The following MAPKAP1 variants were observed in gnomAD, a reference collection of about 807,000 sequenced individuals.
The protein encoded by MAPKAP1 is MAPK associated protein 1, also known as target of rapamycin complex 2 subunit MAPKAP1.
Under a neutral mutation model 65.7 loss-of-function variants are expected in MAPKAP1, and 20 were observed. The observed-to-expected ratio is 0.30, with a 90% CI of 0.21 to 0.44. The LOEUF (loss-of-function observed/expected upper bound fraction) is 0.44, where lower values mean the gene tolerates loss of function less well. Among genes scored for constraint, MAPKAP1 ranks in the 20% least tolerant of loss-of-function variants. The probability of loss-of-function intolerance (pLI) is 1.00; values close to 1 mark genes in which losing one functional copy is unlikely to be tolerated. For missense variants in MAPKAP1, 423 were observed against 648.0 expected (o/e 0.65, Z 3.77); for synonymous variants, 222 against 244.3 (o/e 0.91, Z 0.85).
At chr9:125,667,360 C>T (rs190453997) in intron 3 of MAPKAP1, among the ~76,000 whole-genome samples, 2 of 152,290 alleles carry the variant, frequency 1.3e-5, no homozygotes, top group East Asian at 3.9e-4. Context: ...CGCTCTGTTG[C>T]CCAGACTGAA....
rs1831762967 is a variant in MAPKAP1 at position 125,585,722 on chromosome 9, A to G, written c.504T>C (p.His168=). The G allele has an allele frequency of 1.2e-6, 2 of 1,614,116 alleles. No homozygotes were observed. The highest frequency in any genetic ancestry group is 8.5e-7 in the Non-Finnish European group (1 of 1,180,006). ...TCTTCTTGGTTGCTGTTGTACCTAC[A>G]TGACCCTGTGGACAGAACAAACACG... The part of the protein sequence containing the change: ...NEYSKFDGKG[H]VGTTATKKID... Residue 168 remains histidine, a synonymous_variant, in exon 5 of 12, where the codon CAT becomes CAC. Transcript: ENST00000265960.
At chr9:125,507,925 C>T (rs1829191372) in intron 7 of MAPKAP1, among the ~76,000 whole-genome samples, 1 of 152,056 alleles carries the variant, frequency 6.6e-6, no homozygotes, top group African/African-American at 2.4e-5. Context: ...GCGATTCTCC[C>T]AAATCCCAGC....
chr9:125,491,199 T>A (rs1190585416), intron 8 of MAPKAP1, among the ~76,000 whole-genome samples: 1 of 150,786 alleles, frequency 6.6e-6, no homozygotes, highest in African/African-American at 2.4e-5. Context: ...ATTCCAGCAC[T>A]TTGGGAGGCT....
At chr9:125,692,187 CAT>C (rs1835190813) in intron 1 of MAPKAP1, among the ~76,000 whole-genome samples, 1 of 152,190 alleles carries the variant, frequency 6.6e-6, no homozygotes, top group Non-Finnish European at 1.5e-5. Flanking sequence ...GAACTAAAAA[CAT>C]ATGTTCACAC....
At chr9:125,677,685 T>C (rs1448057833) in intron 1 of MAPKAP1, among the ~76,000 whole-genome samples, 1 of 152,020 alleles carries the variant, frequency 6.6e-6, no homozygotes, top group Non-Finnish European at 1.5e-5. Context: ...GAGAGCAAGA[T>C]TCTGTCTCAA....
intron 6 of MAPKAP1, among the ~76,000 whole-genome samples, chr9:125,551,010 C>T (rs1220553281): frequency 1.3e-5 from 2 of 152,140 alleles, no homozygotes; most frequent in Non-Finnish European, 2.9e-5. Context: ...TGTCTCTGAG[C>T]CTCAGCTTAC....
chr9:125,673,516 A>G (rs1159087293), intron 1 of MAPKAP1, among the ~76,000 whole-genome samples: 1 of 152,162 alleles, frequency 6.6e-6, no homozygotes, highest in Non-Finnish European at 1.5e-5. Context: ...GTGAGCCACC[A>G]TGCCTGGCCT....
Position 125,672,472 on chromosome 9 carries a change from C to G in MAPKAP1, c.103G>C (p.Asp35His). 1 of 1,614,180 alleles carries G rather than the reference C, an allele frequency of 6.2e-7. No homozygotes were observed. Among genetic ancestry groups the G allele is most frequent in the Non-Finnish European group, 8.5e-7 (1 of 1,180,020 alleles). ...GMCEMVLIDH[D>H]VDLEKIHPPS... is the part of the protein sequence containing the mutation. ...GGATGAATCTTCTCTAGGTCAACAT[C>G]ATGATCAATGAGAACCATCTCACAC... The change falls in exon 2 of 12, where the codon GAT becomes CAT. Residue 35 changes from aspartate (D) to histidine (H), a missense_variant. By Grantham distance (81) the Asp-to-His change is moderately conservative. Transcript: ENST00000265960.
chr9:125,660,549 T>C (rs543040972), intron 3 of MAPKAP1, among the ~76,000 whole-genome samples: 1 of 152,360 alleles, frequency 6.6e-6, no homozygotes, highest in South Asian at 2.1e-4. Flanking sequence ...TCCAACTTTC[T>C]ACTGGACACT....
chr9:125,695,136 A>G (rs1231482733), intron 1 of MAPKAP1, among the ~76,000 whole-genome samples: 1 of 152,222 alleles, frequency 6.6e-6, no homozygotes, highest in Non-Finnish European at 1.5e-5. Context: ...ATTTTAACTC[A>G]GCAACTTTAA....
intron 9 of MAPKAP1, among the ~76,000 whole-genome samples, chr9:125,481,441 G>C (rs1290554987): frequency 1.3e-5 from 2 of 151,898 alleles, no homozygotes; most frequent in Non-Finnish European, 2.9e-5. Flanking sequence ...TTTTTCCTTT[G>C]AGACAGAGTC....
At chr9:125,661,622 T>C (rs1336660684) in intron 3 of MAPKAP1, among the ~76,000 whole-genome samples, 2 of 152,230 alleles carry the variant, frequency 1.3e-5, no homozygotes, top group Admixed American at 6.5e-5. Flanking sequence ...TAAATATGCT[T>C]ATATATAGTT....
At chr9:125,655,451 T>G (rs1466509556) in intron 4 of MAPKAP1, among the ~76,000 whole-genome samples, 2 of 152,194 alleles carry the variant, frequency 1.3e-5, no homozygotes, top group African/African-American at 4.8e-5. Flanking sequence ...AATCACAAAA[T>G]GCTAATTTGA....
At chr9:125,667,444 T>C (rs557277822) in intron 3 of MAPKAP1, among the ~76,000 whole-genome samples, 1 of 151,994 alleles carries the variant, frequency 6.6e-6, no homozygotes, top group East Asian at 1.9e-4. Context: ...CTCCGCCTCC[T>C]GAGTAGCTAG....
intron 7 of MAPKAP1, among the ~76,000 whole-genome samples, chr9:125,507,364 A>C (rs926075731): frequency 1.3e-5 from 2 of 151,080 alleles, no homozygotes; most frequent in African/African-American, 4.8e-5. Flanking sequence ...TTGACTCTGA[A>C]AGGCGTGTTT....
intron 6 of MAPKAP1, among the ~76,000 whole-genome samples, chr9:125,556,138 T>C (rs911698826): frequency 1.3e-5 from 2 of 152,238 alleles, no homozygotes; most frequent in African/African-American, 2.4e-5. Flanking sequence ...TTCAGATCTA[T>C]TAACTCATTT....
intron 7 of MAPKAP1, among the ~76,000 whole-genome samples, chr9:125,528,382 G>A (rs1277889043): frequency 6.6e-6 from 1 of 152,180 alleles, no homozygotes; most frequent in Non-Finnish European, 1.5e-5. Flanking sequence ...AGCCCTTTCT[G>A]CCCTGTCCAC....
intron 1 of MAPKAP1, among the ~76,000 whole-genome samples, chr9:125,698,861 A>G (rs1000693727): frequency 5.3e-5 from 8 of 152,176 alleles, no homozygotes; most frequent in Non-Finnish European, 1.0e-4. Context: ...TTCTCTCAAT[A>G]CAGTATGTAG....
intron 10 of MAPKAP1, among the ~76,000 whole-genome samples, chr9:125,461,382 G>A (rs1434669408): frequency 1.3e-5 from 2 of 152,186 alleles, no homozygotes; most frequent in East Asian, 1.9e-4. Context: ...ACAGGCATTC[G>A]CCTCCTTCAC....
Sources: gnomAD v4.1 joint callset for allele counts (sites outside exome capture counted in the v4.1 genomes callset) on GRCh38, gnomAD v4.1.1 for gene constraint, MANE v1.5 for transcripts, NCBI Gene and HGNC (gene_info 2026-07-23, HGNC 2026-07-21) for gene names.